MAD1L1: variants seen among roughly 807,000 people sequenced by gnomAD.
The protein encoded by MAD1L1 is mitotic arrest deficient 1 like 1.
Under a neutral mutation model 96.9 loss-of-function variants are expected in MAD1L1, and 95 were observed. That is an observed-to-expected ratio of 0.98 (90% CI 0.83 to 1.16). MAD1L1 has a LOEUF of 1.16. MAD1L1 is among the 50% of genes most tolerant of loss of function. MAD1L1 has a pLI of 0.00. For missense variants in MAD1L1, 1,007 were observed against 954.4 expected, an observed-to-expected ratio of 1.06 and a Z score of -0.73; for synonymous variants, 473 against 396.6, an observed-to-expected ratio of 1.19 and a Z score of -2.29.
Position 2,216,215 on chromosome 7 carries a change from G to T in MAD1L1, c.751C>A (p.Arg251=). 6.2e-7 allele frequency: 1 copy of T among 1,614,054 alleles called. No individual in the cohort carries two copies. Among genetic ancestry groups the T allele is most frequent in the Non-Finnish European group, 8.5e-7 (1 of 1,180,036 alleles). Residue 251 remains arginine (R), a synonymous_variant, in exon 8 of 19, where the codon CGG becomes AGG. Coordinates refer to ENST00000265854, the MANE Select transcript of MAD1L1 (RefSeq NM_001013836.2). ...IVKNMKSELV[R]LPRLERELKQ... is the part of the protein sequence containing the mutation. The stretch of plus-strand genomic sequence containing the variant: ...AGCTCCCGTTCCAGCCTAGGGAGCC[G>T]TACCAGCTCAGACTTCATGTTCTTC...
At chr7:1,919,416 T>C (rs945492501) in intron 17 of MAD1L1, among the ~76,000 whole-genome samples, 1 of 152,198 alleles carries the variant, frequency 6.6e-6, no homozygotes, top group Non-Finnish European at 1.5e-5. Flanking sequence ...TCCAGGTGGC[T>C]GGCACTGAAG....
chr7:2,198,126 T>C (rs1449705642), intron 10 of MAD1L1, among the ~76,000 whole-genome samples: 2 of 152,032 alleles, frequency 1.3e-5, no homozygotes, highest in Admixed American at 1.3e-4. Context: ...TTTATATTTT[T>C]ATTTTTAAAA....
At chr7:2,136,897 C>A (rs1325241912) in intron 11 of MAD1L1, among the ~76,000 whole-genome samples, 1 of 152,202 alleles carries the variant, frequency 6.6e-6, no homozygotes, top group East Asian at 1.9e-4. Context: ...TGGCTCAGAG[C>A]TTACAAAGTT....
intron 10 of MAD1L1, among the ~76,000 whole-genome samples, chr7:2,180,915 G>C (rs1791170356): frequency 6.6e-6 from 1 of 152,136 alleles, no homozygotes; most frequent in African/African-American, 2.4e-5. Flanking sequence ...GTCCTGGGTA[G>C]AGCCTCCAGC....
At chr7:2,180,572 A>C (rs113258583) in intron 10 of MAD1L1, among the ~76,000 whole-genome samples, 5 of 152,342 alleles carry the variant, frequency 3.3e-5, no homozygotes, top group African/African-American at 1.2e-4. Context: ...AAAATAGTGC[A>C]ACTGTCAAGG....
chr7:1,956,372 G>A (rs1201345471), intron 16 of MAD1L1, among the ~76,000 whole-genome samples: 5 of 152,142 alleles, frequency 3.3e-5, no homozygotes, highest in African/African-American at 1.2e-4. Flanking sequence ...CTTCTCCCAC[G>A]CCATCCGGGC....
At chr7:1,908,379 G>T (rs779899396) in intron 17 of MAD1L1, among the ~76,000 whole-genome samples, 1 of 152,140 alleles carries the variant, frequency 6.6e-6, no homozygotes, top group East Asian at 1.9e-4. Context: ...TCCTCCTTCA[G>T]TTGTGTTTGT....
chr7:2,147,894 T>G (rs1176941763), intron 11 of MAD1L1, among the ~76,000 whole-genome samples: 1 of 152,212 alleles, frequency 6.6e-6, no homozygotes, highest in Non-Finnish European at 1.5e-5. Flanking sequence ...GGCAAATAAT[T>G]TTAGGAAGCA....
At chr7:1,941,664 T>G (rs116953282) in intron 16 of MAD1L1, among the ~76,000 whole-genome samples, 5,193 of 152,336 alleles carry the variant, frequency 0.034, 193 homozygotes, top group Admixed American at 0.099. Context: ...AGCCACAGTG[T>G]GAGGCCAAGG....
At chr7:2,111,590 T>C (rs1178981944) in intron 11 of MAD1L1, among the ~76,000 whole-genome samples, 4 of 152,234 alleles carry the variant, frequency 2.6e-5, no homozygotes, top group African/African-American at 7.2e-5. Context: ...AACTCCATGA[T>C]GACCACAAGT....
At chr7:1,983,117 CACACACACCCACAG>C (rs1780986280) in intron 14 of MAD1L1, among the ~76,000 whole-genome samples, 3 of 150,040 alleles carry the variant, frequency 2.0e-5, no homozygotes, top group African/African-American at 7.4e-5. Context: ...TGCACACACG[CACACACACCCACAG>C]ACGCGCGCGC....
chr7:2,090,351 C>T (rs976366482), intron 11 of MAD1L1, among the ~76,000 whole-genome samples: 1 of 152,216 alleles, frequency 6.6e-6, no homozygotes, highest in Admixed American at 6.5e-5. Flanking sequence ...ACTTCAAAAC[C>T]TCCCAATGAT....
At chr7:1,866,921 C>G (rs1784804875) in intron 18 of MAD1L1, among the ~76,000 whole-genome samples, 3 of 152,212 alleles carry the variant, frequency 2.0e-5, no homozygotes, top group African/African-American at 7.2e-5. Flanking sequence ...GGCCTGCTCT[C>G]CATGCCCACA....
At chr7:2,023,037 G>A (rs566798778) in intron 12 of MAD1L1, among the ~76,000 whole-genome samples, 1 of 152,260 alleles carries the variant, frequency 6.6e-6, no homozygotes, top group South Asian at 2.1e-4. Flanking sequence ...CAAAATATGC[G>A]AGGAAAACCT....
intron 3 of MAD1L1, among the ~76,000 whole-genome samples, chr7:2,227,508 G>A (rs1408921049): frequency 1.3e-5 from 2 of 152,084 alleles, no homozygotes; most frequent in African/African-American, 4.8e-5. Context: ...AGAGGCCAGG[G>A]AAGTTGTTAA....
chr7:2,099,925 A>T, intron 11 of MAD1L1, among the ~76,000 whole-genome samples: 1 of 152,250 alleles, frequency 6.6e-6, no homozygotes, highest in Non-Finnish European at 1.5e-5. Flanking sequence ...TCTTGGTGTC[A>T]TCTGGGCTAA....
At chr7:1,930,759 A>G (rs1789425390) in intron 17 of MAD1L1, among the ~76,000 whole-genome samples, 1 of 151,108 alleles carries the variant, frequency 6.6e-6, no homozygotes, top group Admixed American at 6.6e-5. Context: ...CTGGTGGGAC[A>G]CTGGGCGCTG....
chr7:1,923,468 C>T (rs551547503), intron 17 of MAD1L1, among the ~76,000 whole-genome samples: 1 of 133,522 alleles, frequency 7.5e-6, no homozygotes, highest in Non-Finnish European at 1.7e-5. Flanking sequence ...GGCACCCCCG[C>T]GCTCTTCCGC....
At chr7:1,895,720 G>C (rs968629477) in intron 18 of MAD1L1, among the ~76,000 whole-genome samples, 1 of 152,236 alleles carries the variant, frequency 6.6e-6, no homozygotes, top group African/African-American at 2.4e-5. Flanking sequence ...TGGAGCACTG[G>C]GCCAGTGGAC....
Sources: gnomAD v4.1 joint callset for allele counts (sites outside exome capture counted in the v4.1 genomes callset) on GRCh38, gnomAD v4.1.1 for gene constraint, MANE v1.5 for transcripts, NCBI Gene and HGNC (gene_info 2026-07-23, HGNC 2026-07-21) for gene names.